The following PPP2R2C variants were observed in gnomAD, a reference collection of about 807,000 sequenced individuals.
PPP2R2C encodes the protein protein phosphatase 2, regulatory subunit B, gamma.
PPP2R2C carries 10 observed loss-of-function variants against 45.3 expected under a neutral mutation model. The ratio of observed to expected loss-of-function variants is 0.22; its 90% confidence interval spans 0.14 to 0.37. The LOEUF is 0.37. Among genes scored for constraint, PPP2R2C ranks in the 10% least tolerant of loss-of-function variants. The pLI, the probability that PPP2R2C is intolerant of heterozygous loss-of-function variation, is 1.00. For synonymous variants in PPP2R2C, 257 were observed against 245.4 expected, an observed-to-expected ratio of 1.05 and a Z score of -0.44; for missense variants, 308 against 619.7, an observed-to-expected ratio of 0.50 and a Z score of 5.34.
intron 1 of PPP2R2C, among the ~76,000 whole-genome samples, chr4:6,409,939 A>C (rs1419165211): frequency 6.6e-6 from 1 of 152,178 alleles, no homozygotes; most frequent in Non-Finnish European, 1.5e-5. Flanking sequence ...CCTCCAACTG[A>C]GGCCTTCCCT....
chr4:6,397,811 C>T (rs1487248128), intron 1 of PPP2R2C, among the ~76,000 whole-genome samples: 4 of 152,192 alleles, frequency 2.6e-5, no homozygotes, highest in Non-Finnish European at 5.9e-5. Context: ...AAATATGTTC[C>T]TGTTAGAACA....
At chr4:6,347,292 C>G (rs1577089544) in intron 6 of PPP2R2C, among the ~76,000 whole-genome samples, 1 of 152,286 alleles carries the variant, frequency 6.6e-6, no homozygotes, top group East Asian at 1.9e-4. Context: ...TGCTGTGTCA[C>G]AAAATGTCCC....
In PPP2R2C at chr4:6,349,739, T is replaced by TAA. The variant is rs112844533; in HGVS notation, c.626-1731_626-1730dup. The TAA allele has an allele frequency of 2.7e-3, 1,460 of 539,986 alleles. 2 individuals carry two copies. Among genetic ancestry groups the TAA allele is most frequent in the East Asian group, 0.015 (100 of 6,696 alleles). 33.4% of individuals were successfully genotyped at this position (539,986 alleles called of 1,614,324 possible). ...CAACATTGCAAAACCCCATCTCTAC[T>TAA]AAAAAAAAATTAGTAGTGGCGTATG... On this transcript the variant is annotated intron_variant, in intron 5 of 8. Coordinates refer to ENST00000382599, the MANE Select transcript of PPP2R2C (RefSeq NM_020416.4).
At chr4:6,356,257 C>G (rs1713179095) in intron 5 of PPP2R2C, among the ~76,000 whole-genome samples, 1 of 152,214 alleles carries the variant, frequency 6.6e-6, no homozygotes, top group African/African-American at 2.4e-5. Context: ...CCTGTCGCAG[C>G]TAACACGTGC....
intron 1 of PPP2R2C, among the ~76,000 whole-genome samples, chr4:6,417,896 C>T (rs890934947): frequency 1.3e-5 from 2 of 152,154 alleles, no homozygotes; most frequent in African/African-American, 4.8e-5. Flanking sequence ...AGATTTCTGT[C>T]ATTTGACCCA....
intron 2 of PPP2R2C, among the ~76,000 whole-genome samples, chr4:6,511,861 G>A (rs1560594545): frequency 3.8e-5 from 2 of 53,026 alleles, no homozygotes; most frequent in African/African-American, 6.8e-5. Flanking sequence ...GGTGGTGGTG[G>A]TGATGGTGGT....
chr4:6,506,614 A>C (rs901260826), intron 2 of PPP2R2C, among the ~76,000 whole-genome samples: 5 of 152,236 alleles, frequency 3.3e-5, no homozygotes, highest in Non-Finnish European at 7.3e-5. Context: ...GAAAGCAAAG[A>C]TTCTGAGTAG....
intron 1 of PPP2R2C, among the ~76,000 whole-genome samples, chr4:6,450,296 C>A (rs1225878201): frequency 6.6e-6 from 1 of 152,118 alleles, no homozygotes; most frequent in Non-Finnish European, 1.5e-5. Flanking sequence ...TGGTATCTGG[C>A]GTCTCCTCCA....
At chr4:6,518,922 T>TAAAAAAAAAAAAAAAAAAAAA (rs56002128) in intron 2 of PPP2R2C, among the ~76,000 whole-genome samples, 11 of 92,920 alleles carry the variant, frequency 1.2e-4, no homozygotes, top group African/African-American at 2.5e-4. Context: ...GACTCTGTCT[T>TAAAAAAAAAAAAAAAAAAAAA]AAAAAAAAAA....
chr4:6,362,080 G>C (rs1713806547), intron 5 of PPP2R2C, among the ~76,000 whole-genome samples: 1 of 152,104 alleles, frequency 6.6e-6, no homozygotes, highest in Non-Finnish European at 1.5e-5. Context: ...AAGGCTCAGA[G>C]GTGTGAGAGG....
chr4:6,541,641 G>T (rs1724805734), intron 1 of PPP2R2C, among the ~76,000 whole-genome samples: 1 of 152,288 alleles, frequency 6.6e-6, no homozygotes, highest in Middle Eastern at 3.4e-3. Context: ...CTGCCTCCCA[G>T]GTCAAGCAAT....
chr4:6,371,780 G>A (rs565563048), intron 5 of PPP2R2C, among the ~76,000 whole-genome samples: 1 of 152,312 alleles, frequency 6.6e-6, no homozygotes, highest in East Asian at 1.9e-4. Context: ...AATGCTTGTT[G>A]ATGTTAGTCA....
At chr4:6,541,523 C>T (rs1724801792) in intron 1 of PPP2R2C, among the ~76,000 whole-genome samples, 1 of 152,114 alleles carries the variant, frequency 6.6e-6, no homozygotes, top group Non-Finnish European at 1.5e-5. Context: ...ACCAGACCCT[C>T]GCAGGGGATC....
chr4:6,551,710 A>T (rs1188446349), intron 1 of PPP2R2C, among the ~76,000 whole-genome samples: 1 of 152,252 alleles, frequency 6.6e-6, no homozygotes, highest in Non-Finnish European at 1.5e-5. Flanking sequence ...CTCAGGTGAC[A>T]GTCCCAGCTG....
intron 2 of PPP2R2C, among the ~76,000 whole-genome samples, chr4:6,504,986 A>C (rs1183385584): frequency 2.0e-5 from 3 of 152,230 alleles, no homozygotes; most frequent in African/African-American, 7.2e-5. Context: ...AGAAAACCAC[A>C]TAAAGGCACG....
At chr4:6,560,587 C>G (rs1725542975) in intron 1 of PPP2R2C, among the ~76,000 whole-genome samples, 1 of 152,170 alleles carries the variant, frequency 6.6e-6, no homozygotes, top group Non-Finnish European at 1.5e-5. Context: ...GCACTGGAAG[C>G]GTCCCTGGAT....
intron 1 of PPP2R2C, among the ~76,000 whole-genome samples, chr4:6,388,671 C>T (rs1716394400): frequency 6.6e-6 from 1 of 152,064 alleles, no homozygotes; most frequent in Non-Finnish European, 1.5e-5. Context: ...GGGGGCCGAG[C>T]CGGGCCTCCC....
chr4:6,382,757 G>A (rs1377804686), intron 1 of PPP2R2C: 6 of 646,662 alleles, frequency 9.3e-6, no homozygotes, highest in South Asian at 3.9e-5. Flanking sequence ...ACAGCATATC[G>A]GGATGCCAGC....
In PPP2R2C at chr4:6,497,765, C is replaced by T. The variant is rs77819507; in HGVS notation, c.49+37506G>A. On this transcript the variant is annotated intron_variant, in intron 2 of 9. Transcript: ENST00000506140. ...TGAACAATGATTAACAGAGAAAGTACACAAGGCCCTTCAAGATGGCAACAA... is the reference window on the plus strand; with the variant it reads ...TGAACAATGATTAACAGAGAAAGTATACAAGGCCCTTCAAGATGGCAACAA... 2.0e-5 allele frequency among the ~76,000 whole-genome samples: 3 copies of T among 152,322 alleles called. No individual in the cohort carries two copies. The East Asian group carries it at 5.8e-4, about 29-fold the overall frequency.
Sources: allele counts gnomAD v4.1 joint callset (sites outside exome capture counted in the v4.1 genomes callset), GRCh38; gene constraint gnomAD v4.1.1; transcripts MANE v1.5; gene names NCBI Gene and HGNC (gene_info 2026-07-23, HGNC 2026-07-21).